Variants in NYNRIN observed in about 807,000 individuals in gnomAD.
NYNRIN encodes protein NYNRIN.
NYNRIN carries 86 observed loss-of-function variants against 146.6 expected under a neutral mutation model. The ratio of observed to expected loss-of-function variants is 0.59; its 90% CI spans 0.49 to 0.70. NYNRIN has a LOEUF of 0.70. Among genes scored for constraint, NYNRIN ranks in the 30% least tolerant of loss-of-function variants. The pLI, the probability that NYNRIN is intolerant of heterozygous loss-of-function variation, is 0.00. For missense variants in NYNRIN, 2,191 were observed against 2,377.7 expected (o/e 0.92, Z 1.63); for synonymous variants, 1,027 against 1,001.3 (o/e 1.03, Z -0.48).
At chr14:24,405,379 G>A (rs2042870395) in intron 2 of NYNRIN, among the ~76,000 whole-genome samples, 1 of 152,122 alleles carries the variant, frequency 6.6e-6, no homozygotes, top group Non-Finnish European at 1.5e-5. Flanking sequence ...GTTGACTAAC[G>A]ACCTGTGGGT....
rs1421951732 is a variant in NYNRIN at position 24,409,182 on chromosome 14, C to G, written c.1388C>G (p.Pro463Arg). The G allele has an allele frequency of 6.2e-7, 1 of 1,613,920 alleles. No individual in the cohort carries two copies. The highest frequency in any genetic ancestry group is 1.1e-5 in the South Asian group (1 of 91,076). Residue 463 changes from proline to arginine, a missense_variant, in exon 4 of 9, where the codon CCT becomes CGT. Coordinates refer to ENST00000382554, the MANE Select transcript of NYNRIN (RefSeq NM_025081.3). Reference protein sequence around the residue: ...SPKVTSLLVVPGSSDVKDKVS... With the variant: ...SPKVTSLLVVRGSSDVKDKVS... The stretch of plus-strand genomic sequence containing the variant: ...AAAGTTACGAGTTTATTGGTGGTCC[C>G]TGGGAGCTCAGATGTAAAAGACAAA...
In NYNRIN at chr14:24,415,748, G is replaced by T. The variant is rs752381943; in HGVS notation, c.3999G>T (p.Ser1333=). 6.2e-6 allele frequency: 10 copies of T among 1,613,422 alleles called. No individual in the cohort carries two copies. The highest frequency in any genetic ancestry group is 5.9e-6 in the Non-Finnish European group (7 of 1,179,684). The change falls in exon 9 of 9, where the codon TCG becomes TCT. Residue 1333 remains serine, a synonymous_variant. Coordinates refer to ENST00000382554, the MANE Select transcript of NYNRIN (RefSeq NM_025081.3). ...CTGGCTTTGGTCTCTATGTTCTATCGCCCACCAGCCCCCCTGTCTCCCTTT... is the reference window on the plus strand; with the variant it reads ...CTGGCTTTGGTCTCTATGTTCTATCTCCCACCAGCCCCCCTGTCTCCCTTT... ...WCAGFGLYVL[S]PTSPPVSLSF...
intron 2 of NYNRIN, 22 bp from the exon 3 acceptor site, chr14:24,407,847 G>T: frequency 1.9e-6 from 3 of 1,572,532 alleles, no homozygotes; most frequent in Non-Finnish European, 2.6e-6. Context: ...TGACTTCATT[G>T]TGTTCTCCCC....
At chr14:24,400,480 A>G (rs1416358761) in intron 2 of NYNRIN, among the ~76,000 whole-genome samples, 1 of 152,184 alleles carries the variant, frequency 6.6e-6, no homozygotes, top group South Asian at 2.1e-4. Flanking sequence ...GGTCAAGGCC[A>G]TGGGTGGGGA....
At chr14:24,407,779 G>A in intron 2 of NYNRIN, 90 bp from the exon 3 acceptor site, 1 of 1,271,404 alleles carries the variant, frequency 7.9e-7, no homozygotes, top group Non-Finnish European at 1.1e-6. Context: ...CACATGGTTA[G>A]TGAGGGGCTG....
At position 24,411,220 on chromosome 14, in the gene NYNRIN, T is replaced by G. The variant is rs2042910952; in HGVS notation, c.2545+14T>G. ...GGAGGGTGAGAGGTGAGGTGTCCCC[T>G]GCCTGCCCAGCCTCCACAGTGTCAC... On this transcript the variant is annotated intron_variant, in intron 5 of 8. Coordinates refer to ENST00000382554, the MANE Select transcript of NYNRIN (RefSeq NM_025081.3). The surrounding 1 kb of genome is among the most constrained non-coding windows in gnomAD (Gnocchi z 4.3). 1 of 1,607,702 alleles carries G rather than the reference T, an allele frequency of 6.2e-7. No homozygotes were observed. The highest frequency in any genetic ancestry group is 1.3e-5 in the African/African-American group (1 of 74,584).
rs756250237 is a variant in NYNRIN, at chr14:24,413,382, C to A, written c.2811C>A (p.Gly937=). ...CTGATGACCCCCTGGGCCGTGATGG[C>A]CCCACCTTGGATGAGTTTCTGAAGA... ...MVPDDPLGRD[G]PTLDEFLKKP... The change falls in exon 8 of 9, where the codon GGC becomes GGA. Residue 937 remains glycine (G), a synonymous_variant. Transcript: ENST00000382554. 4 of 1,613,046 alleles carry A rather than the reference C, an allele frequency of 2.5e-6. No individual in the cohort carries two copies. Among genetic ancestry groups the A allele is most frequent in the African/African-American group, 1.3e-5 (1 of 75,028 alleles).
intron 2 of NYNRIN, among the ~76,000 whole-genome samples, chr14:24,404,279 C>T (rs1185554114): frequency 6.6e-6 from 1 of 152,068 alleles, no homozygotes; most frequent in Non-Finnish European, 1.5e-5. Context: ...TCTTTGAAGC[C>T]TTTTCTTGGG....
At position 24,417,092 on chromosome 14, in the gene NYNRIN, T is replaced by G. The variant is rs2042953357; in HGVS notation, c.5343T>G (p.Ile1781Met). Residue 1781 changes from isoleucine (I) to methionine (M), a missense_variant, in exon 9 of 9, where the codon ATT becomes ATG. Transcript: ENST00000382554. ...PLWWEMSSAN[I>M]EGLKMDVFLL... ...GGTGGGAGATGAGCAGCGCAAACAT[T>G]GAAGGGCTCAAGATGGACGTCTTCC... 1 of 1,613,426 alleles carries G rather than the reference T, an allele frequency of 6.2e-7. No individual in the cohort carries two copies. The highest frequency in any genetic ancestry group is 1.1e-5 in the South Asian group (1 of 91,054).
chr14:24,406,130 A>C (rs1405765608), intron 2 of NYNRIN, among the ~76,000 whole-genome samples: 1 of 151,624 alleles, frequency 6.6e-6, no homozygotes, highest in Admixed American at 6.6e-5. Flanking sequence ...CCAGTGGAAA[A>C]ATTCTGGTAT....
Position 24,417,727 on chromosome 14 carries a change from G to A in NYNRIN, c.*281G>A. The A allele has an allele frequency of 2.7e-6, 1 of 364,850 alleles. No individual in the cohort carries two copies. The highest frequency in any genetic ancestry group is 4.9e-6 in the Non-Finnish European group (1 of 203,350). 22.6% of individuals were successfully genotyped at this position (364,850 alleles called of 1,614,324 possible). On this transcript the variant is annotated 3_prime_UTR_variant, in exon 9 of 9. Transcript: ENST00000382554. The stretch of plus-strand genomic sequence containing the variant: ...TGGAGTGCTCCTCTAGGCTATACCA[G>A]GCTCAGTGTCTTCTCCCCAAGTATC...
rs556938932 is a variant in NYNRIN, at chr14:24,401,604, C to T, written c.198+2160C>T. 1.8e-4 allele frequency among the ~76,000 whole-genome samples: 28 copies of T among 152,276 alleles called. 1 individual carries two copies. The South Asian group carries it at 5.6e-3, about 30-fold the overall frequency. On this transcript the variant is annotated intron_variant, in intron 2 of 8. Coordinates refer to ENST00000382554, the MANE Select transcript of NYNRIN (RefSeq NM_025081.3). ...GATCAGATCAAATAATTTATCCTCT[C>T]TTGAGCCATTTCCCTCATCTATGGA...
At position 24,416,313 on chromosome 14, in the gene NYNRIN, C is replaced by T. The variant is rs200445194; in HGVS notation, c.4564C>T (p.Leu1522=). The T allele has an allele frequency of 8.4e-5, 136 of 1,613,744 alleles. 1 individual carries two copies. The Admixed American group carries it at 1.1e-3, about 13-fold the overall frequency. ...ACTCAGCCTCGACAAGGAGAGTGGC[C>T]TGCTTATGTTCAAGGGAGATAAGAA... ...NSLSLDKESG[L]LMFKGDKKPR... The change falls in exon 9 of 9, where the codon CTG becomes TTG. Residue 1522 remains leucine, a synonymous_variant. Coordinates refer to ENST00000382554, the MANE Select transcript of NYNRIN (RefSeq NM_025081.3).
chr14:24,401,444 G>T (rs903498686), intron 2 of NYNRIN, among the ~76,000 whole-genome samples: 5 of 152,138 alleles, frequency 3.3e-5, no homozygotes, highest in Admixed American at 6.5e-5. Flanking sequence ...GGGGCGGGGG[G>T]GGTTAAAGTT....
chr14:24,407,998 C>G lies in NYNRIN; in HGVS notation c.328C>G (p.Leu110Val), dbSNP rs1386153416. 5.0e-6 allele frequency: 8 copies of G among 1,614,032 alleles called. No homozygotes were observed. Among genetic ancestry groups the G allele is most frequent in the African/African-American group, 1.3e-5 (1 of 75,060 alleles). The change falls in exon 3 of 9, where the codon CTG becomes GTG. Residue 110 changes from leucine (L) to valine (V), a missense_variant. Around this residue, in one of 3 missense-constraint regions of NYNRIN, gnomAD observed 895 missense variants for 941.2 expected, o/e 0.95. Coordinates refer to ENST00000382554, the MANE Select transcript of NYNRIN (RefSeq NM_025081.3). The stretch of plus-strand genomic sequence containing the variant: ...CCTCTGCTGGAGCACCCTTGCCTAC[C>G]TGGTGCCTGGCCCCCCTGGCTCCCT... ...DCLCWSTLAY[L>V]VPGPPGSLMV...
chr14:24,399,693 TCAAGTG>T (rs1254266474), intron 2 of NYNRIN, among the ~76,000 whole-genome samples: 1 of 151,956 alleles, frequency 6.6e-6, no homozygotes, highest in East Asian at 1.9e-4. Flanking sequence ...CCTCTGTCCC[TCAAGTG>T]CACTGAGAGC....
chr14:24,403,639 C>T (rs2042858604), intron 2 of NYNRIN, among the ~76,000 whole-genome samples: 1 of 152,218 alleles, frequency 6.6e-6, no homozygotes. Flanking sequence ...CATTGTCACC[C>T]TAAAACAGTG....
rs777153534 is a variant in NYNRIN at position 24,409,624 on chromosome 14, A to G, written c.1830A>G (p.Gln610=). Residue 610 remains glutamine, a synonymous_variant, in exon 4 of 9, where the codon CAA becomes CAG. Coordinates refer to ENST00000382554, the MANE Select transcript of NYNRIN (RefSeq NM_025081.3). ...MATAQKTVVN[Q]PVLVAQVEPT... The stretch of plus-strand genomic sequence containing the variant: ...CAGCTCAAAAAACAGTTGTGAATCA[A>G]CCAGTGTTGGTAGCTCAAGTGGAAC... The G allele has an allele frequency of 6.2e-7, 1 of 1,608,176 alleles. No homozygotes were observed. Among genetic ancestry groups the G allele is most frequent in the Non-Finnish European group, 8.5e-7 (1 of 1,177,220 alleles).
intron 2 of NYNRIN, among the ~76,000 whole-genome samples, chr14:24,401,940 T>A (rs1288534495): frequency 1.3e-5 from 2 of 152,108 alleles, no homozygotes; most frequent in Non-Finnish European, 2.9e-5. Context: ...ATCTCAGCTG[T>A]AGGGACACAG....
Sources: gnomAD v4.1 joint callset for allele counts (sites outside exome capture counted in the v4.1 genomes callset) on GRCh38, gnomAD v4.1.1 for gene constraint, gnomAD v4.1.1 regional missense constraint, Gnocchi (gnomAD v3.1) non-coding constraint, MANE v1.5 for transcripts, NCBI Gene and HGNC (gene_info 2026-07-23, HGNC 2026-07-21) for gene names.